Variants in UNC5A observed in about 807,000 individuals in gnomAD.
UNC5A encodes unc-5 netrin receptor A, also known as netrin receptor UNC5A.
In UNC5A, 20 loss-of-function variants were observed where a neutral mutation model predicts 87.4. The ratio of observed to expected loss-of-function variants is 0.23; its 90% CI spans 0.16 to 0.33. UNC5A has a LOEUF of 0.33. UNC5A is among the 10% of genes least tolerant of loss of function. UNC5A has a pLI of 1.00. For synonymous variants in UNC5A, 438 were observed against 482.3 expected (o/e 0.91, Z 1.20); for missense variants, 844 against 1,133.4 (o/e 0.74, Z 3.67).
chr5:176,819,752 G>C (rs926421307), intron 1 of UNC5A, among the ~76,000 whole-genome samples: 7 of 152,214 alleles, frequency 4.6e-5, no homozygotes, highest in Non-Finnish European at 7.3e-5. Flanking sequence ...AGGTTGGGCC[G>C]GAGCCACCAA....
intron 1 of UNC5A, among the ~76,000 whole-genome samples, chr5:176,861,603 C>T (rs950466785): frequency 2.0e-5 from 3 of 152,132 alleles, no homozygotes; most frequent in African/African-American, 4.8e-5. Flanking sequence ...TTGGATCACC[C>T]GTGGGGAGGG....
chr5:176,877,251 C>A lies in UNC5A; in HGVS notation c.1438C>A (p.Leu480Ile), dbSNP rs370599097. 8.7e-6 allele frequency: 14 copies of A among 1,612,778 alleles called. No homozygotes were observed. The East Asian group carries it at 3.1e-4, about 36-fold the overall frequency. ...CCGAGGGAAGATCTATGAGATCTAC[C>A]TCACGCTGCACAAGCCGGAAGACGT... ...IPRGKIYEIY[L>I]TLHKPEDVRL... The change falls in exon 9 of 15, where the codon CTC becomes ATC. Residue 480 changes from leucine (L) to isoleucine (I), a missense_variant. Transcript: ENST00000329542.
chr5:176,840,109 G>A (rs902961014), intron 1 of UNC5A, among the ~76,000 whole-genome samples: 4 of 152,240 alleles, frequency 2.6e-5, no homozygotes, highest in Middle Eastern at 3.4e-3. Context: ...AGCGCACCTC[G>A]GCCTCCCAAA....
At chr5:176,878,732 A>G (rs961597287) in intron 13 of UNC5A, 93 bp downstream of exon 13, 20 of 1,475,706 alleles carry the variant, frequency 1.4e-5, no homozygotes, top group Non-Finnish European at 1.6e-5. Flanking sequence ...CTGCCCTGCC[A>G]CCCACTCTCC....
Position 176,868,793 on chromosome 5 carries a change from C to T in UNC5A, c.550C>T (p.Leu184Phe). 1 of 1,598,506 alleles carries T rather than the reference C, an allele frequency of 6.3e-7. No individual in the cohort carries two copies. Among genetic ancestry groups the T allele is most frequent in the African/African-American group, 1.3e-5 (1 of 74,814 alleles). The change falls in exon 5 of 15, where the codon CTC becomes TTC. Residue 184 changes from leucine to phenylalanine, a missense_variant. Coordinates refer to ENST00000329542, the MANE Select transcript of UNC5A (RefSeq NM_133369.3). Reference protein sequence around the residue: ...EGIPPAEVEWLRNEDLVDPSL... With the variant: ...EGIPPAEVEWFRNEDLVDPSL... ...GGGCTCCCTCCCCTAGGTGGAGTGGCTCCGGAACGAGGACCTGGTGGACCC... is the reference window on the plus strand; with the variant it reads ...GGGCTCCCTCCCCTAGGTGGAGTGGTTCCGGAACGAGGACCTGGTGGACCC...
rs1254816912 is a variant in UNC5A at position 176,869,983 on chromosome 5, A to G, written c.722-387A>G. ...TCTGTGTCCAATGTCAGGGCTCAAC[A>G]TAGGGTGTAAGTCACAGGGTGTGAG... On this transcript the variant is annotated intron_variant, in intron 5 of 14. Transcript: ENST00000329542. This position sits in a 1 kb window ranked among gnomAD's most constrained non-coding sequence, Gnocchi z 9.1. 6.6e-6 allele frequency among the ~76,000 whole-genome samples: 1 copy of G among 152,022 alleles called. No homozygotes were observed. Among genetic ancestry groups the G allele is most frequent in the East Asian group, 1.9e-4 (1 of 5,178 alleles).
intron 1 of UNC5A, among the ~76,000 whole-genome samples, chr5:176,813,657 C>T (rs1269302688): frequency 6.6e-6 from 1 of 152,206 alleles, no homozygotes; most frequent in African/African-American, 2.4e-5. Context: ...CAAGCCCACA[C>T]CAGAAGTCAC....
At chr5:176,863,753 CCCT>C (rs1298872455) in intron 2 of UNC5A, among the ~76,000 whole-genome samples, 1 of 98,392 alleles carries the variant, frequency 1.0e-5, no homozygotes, top group African/African-American at 4.1e-5. Context: ...CTCTCCTCCT[CCCT>C]CCCCTCCTCC....
chr5:176,819,025 C>A (rs999347649), intron 1 of UNC5A, among the ~76,000 whole-genome samples: 2 of 152,234 alleles, frequency 1.3e-5, no homozygotes, highest in Non-Finnish European at 2.9e-5. Flanking sequence ...GGGACTCTTT[C>A]CCAGTAAGCT....
At chr5:176,835,171 TGGGGCCTCCGGCCA>T (rs1757122923) in intron 1 of UNC5A, among the ~76,000 whole-genome samples, 1 of 152,274 alleles carries the variant, frequency 6.6e-6, no homozygotes, top group African/African-American at 2.4e-5. Context: ...AGCCTGGGAA[TGGGGCCTCCGGCCA>T]GGGGCTGGCT....
intron 5 of UNC5A, 23 bp from the exon 6 acceptor site, chr5:176,870,347 C>T (rs1758079499): frequency 1.9e-6 from 3 of 1,609,660 alleles, no homozygotes; most frequent in South Asian, 1.1e-5. Flanking sequence ...GCACCGTCTC[C>T]TCTCTGCTTG....
At chr5:176,879,553 G>A in intron 14 of UNC5A, 65 bp downstream of exon 14, 1 of 1,550,386 alleles carries the variant, frequency 6.5e-7, no homozygotes. Context: ...GCGGCGGGGT[G>A]GGTGAGGTGG....
chr5:176,877,031 G>A (rs1000286426), intron 8 of UNC5A, among the ~76,000 whole-genome samples, 161 bp from the exon 9 acceptor site: 4 of 152,190 alleles, frequency 2.6e-5, no homozygotes, highest in East Asian at 1.9e-4. Context: ...CTTCATGCCT[G>A]TGGGGGTGGT....
At chr5:176,870,640 G>GCCTC in intron 6 of UNC5A, 106 bp downstream of exon 6, 1 of 1,303,036 alleles carries the variant, frequency 7.7e-7, no homozygotes. Flanking sequence ...AAAGGCTGTA[G>GCCTC]CCTCTCCAGG....
rs111626207 is a variant in UNC5A at position 176,869,203 on chromosome 5, G to T, written c.721+239G>T. On this transcript the variant is annotated intron_variant, in intron 5 of 14. Transcript: ENST00000329542. This position sits in a 1 kb window ranked among gnomAD's most constrained non-coding sequence, Gnocchi z 9.1. ...GGGCAGCGGGCATTGTGCAGAAGGA[G>T]ATGAGGGACAGGATGGGAATCTAGG... Among the ~76,000 whole-genome samples, 4,360 of 152,256 alleles carry T rather than the reference G, an allele frequency of 0.029. 203 individuals are homozygous for T. The highest frequency in any genetic ancestry group is 0.1 in the African/African-American group (4,153 of 41,520).
At chr5:176,830,740 T>G (rs143373419) in intron 1 of UNC5A, among the ~76,000 whole-genome samples, 2 of 36,110 alleles carry the variant, frequency 5.5e-5, no homozygotes, top group South Asian at 1.1e-3. Flanking sequence ...GTGGGTGTGC[T>G]GGTGTGTGTG....
chr5:176,813,538 G>T (rs1054441850), intron 1 of UNC5A, among the ~76,000 whole-genome samples: 8 of 152,188 alleles, frequency 5.3e-5, no homozygotes, highest in Non-Finnish European at 1.2e-4. Context: ...GGGCCCCTAG[G>T]TCCTCCCAGG....
In UNC5A at chr5:176,874,443, G is replaced by A; in HGVS notation, c.1255G>A (p.Ala419Thr). Residue 419 changes from alanine to threonine, a missense_variant, in exon 8 of 15, where the codon GCC becomes ACC. This residue lies in a region of UNC5A where 353 missense variants were observed against 387.5 expected (regional missense o/e 0.91). Transcript: ENST00000329542. The surrounding 1 kb of genome is among the most constrained non-coding windows in gnomAD (Gnocchi z 7.6). Reference sequence around the variant, plus strand: ...GCACCACAGCTCTCCCACCTCTGAGGCCGAGGAGTTCGTCTCCCGCCTCTC... The same window carrying A: ...GCACCACAGCTCTCCCACCTCTGAGACCGAGGAGTTCGTCTCCCGCCTCTC... ...TLHHSSPTSE[A>T]EEFVSRLSTQ... 6.2e-7 allele frequency: 1 copy of A among 1,612,670 alleles called. No homozygotes were observed. Among genetic ancestry groups the A allele is most frequent in the African/African-American group, 1.3e-5 (1 of 75,012 alleles).
chr5:176,825,598 G>C (rs1756832633), intron 1 of UNC5A, among the ~76,000 whole-genome samples: 1 of 152,194 alleles, frequency 6.6e-6, no homozygotes, highest in South Asian at 2.1e-4. Context: ...TTGGGAAAGG[G>C]GGGCGAGGGC....
Sources: gnomAD v4.1 joint callset for allele counts (sites outside exome capture counted in the v4.1 genomes callset) on GRCh38, gnomAD v4.1.1 for gene constraint, gnomAD v4.1.1 regional missense constraint, Gnocchi (gnomAD v3.1) non-coding constraint, MANE v1.5 for transcripts, NCBI Gene and HGNC (gene_info 2026-07-23, HGNC 2026-07-21) for gene names.